Variants in TENM2 observed in about 807,000 individuals in gnomAD.
The protein encoded by TENM2 is teneurin transmembrane protein 2.
In TENM2, 52 loss-of-function variants were observed where a neutral mutation model predicts 245.2. The ratio of observed to expected loss-of-function variants is 0.21; its 90% confidence interval spans 0.17 to 0.27. The LOEUF is 0.27. Ranked by LOEUF, TENM2 falls within the 10% of genes least tolerant of loss-of-function variation. The pLI, the probability that TENM2 is intolerant of heterozygous loss-of-function variation, is 1.00. For missense variants in TENM2, 3,046 were observed against 3,666.8 expected (o/e 0.83, Z 4.37); for synonymous variants, 1,363 against 1,438.9 (o/e 0.95, Z 1.19).
intron 2 of TENM2, among the ~76,000 whole-genome samples, chr5:167,529,219 GAA>G (rs1405370942): frequency 2.0e-5 from 3 of 151,994 alleles, no homozygotes; most frequent in Non-Finnish European, 4.4e-5. Flanking sequence ...TTAAGGTTGA[GAA>G]AAAGCAAATC....
intron 2 of TENM2, among the ~76,000 whole-genome samples, chr5:167,767,327 A>T (rs1468724320): frequency 6.6e-5 from 10 of 152,224 alleles, no homozygotes. Flanking sequence ...ATTCTACTTA[A>T]ATGAGACATC....
chr5:168,181,959 G>A (rs1454882688), intron 13 of TENM2, among the ~76,000 whole-genome samples: 2 of 152,120 alleles, frequency 1.3e-5, no homozygotes, highest in Non-Finnish European at 2.9e-5. Context: ...TTACCGGCGT[G>A]AGCCACCGCA....
the TENM2 span, among the ~76,000 whole-genome samples, chr5:167,147,083 C>G: frequency 2.6e-5 from 4 of 152,074 alleles, no homozygotes; most frequent in Admixed American, 6.5e-5. Flanking sequence ...ACACCTTTTT[C>G]CTAAAGCATG....
At chr5:167,746,535 T>G (rs1454852344) in intron 2 of TENM2, among the ~76,000 whole-genome samples, 2 of 152,158 alleles carry the variant, frequency 1.3e-5, no homozygotes, top group Non-Finnish European at 2.9e-5. Context: ...CATGTCTGAA[T>G]TACGTGGAAC....
intron 2 of TENM2, among the ~76,000 whole-genome samples, chr5:167,494,320 C>A (rs1293663222): frequency 2.6e-5 from 4 of 151,976 alleles, no homozygotes; most frequent in Non-Finnish European, 5.9e-5. Context: ...AAAAAACTTA[C>A]CTAAAGGGTT....
the TENM2 span, among the ~76,000 whole-genome samples, chr5:167,206,366 A>G: frequency 6.6e-6 from 1 of 152,230 alleles, no homozygotes; most frequent in East Asian, 1.9e-4. Flanking sequence ...TCATGAGGGG[A>G]GGAACAGTGA....
intron 2 of TENM2, among the ~76,000 whole-genome samples, chr5:167,523,179 C>T (rs977365141): frequency 6.6e-6 from 1 of 152,134 alleles, no homozygotes; most frequent in African/African-American, 2.4e-5. Flanking sequence ...TATACCTGAT[C>T]AGATCTTTTG....
intron 2 of TENM2, among the ~76,000 whole-genome samples, chr5:167,609,519 C>CAAAAAAAAAAAAAATT (rs1171421408): frequency 7.8e-6 from 1 of 128,952 alleles, no homozygotes; most frequent in African/African-American, 3.1e-5. Flanking sequence ...AAAACAAAAC[C>CAAAAAAAAAAAAAATT]TTACCTAGAA....
At chr5:167,767,106 A>G (rs1763081792) in intron 2 of TENM2, among the ~76,000 whole-genome samples, 2 of 152,240 alleles carry the variant, frequency 1.3e-5, no homozygotes, top group Admixed American at 1.3e-4. Context: ...ACCCATGTTC[A>G]TAGCAGCTTT....
intron 5 of TENM2, among the ~76,000 whole-genome samples, chr5:168,017,386 A>C (rs1391282688): frequency 6.6e-6 from 1 of 152,208 alleles, no homozygotes; most frequent in Non-Finnish European, 1.5e-5. Flanking sequence ...TAATAAGACA[A>C]TGGCTATTAT....
At chr5:167,308,280 GGACAAGTCTCA>G (rs1755800636) in intron 1 of TENM2, among the ~76,000 whole-genome samples, 1 of 151,976 alleles carries the variant, frequency 6.6e-6, no homozygotes, top group Non-Finnish European at 1.5e-5. Flanking sequence ...ATGCAACATG[GGACAAGTCTCA>G]GACAAGTCTC....
intron 10 of TENM2, among the ~76,000 whole-genome samples, chr5:168,121,153 C>T (rs1252000281): frequency 6.6e-6 from 1 of 152,092 alleles, no homozygotes. Flanking sequence ...ATAGAAATTG[C>T]ATTCACAACC....
the TENM2 span, among the ~76,000 whole-genome samples, chr5:167,277,796 G>A: frequency 3.3e-5 from 5 of 151,036 alleles, no homozygotes; most frequent in Non-Finnish European, 1.5e-5. Context: ...TGTTTTTTGT[G>A]GTCATACATA....
chr5:168,211,278 C>T (rs1179091220), intron 19 of TENM2, among the ~76,000 whole-genome samples: 2 of 152,210 alleles, frequency 1.3e-5, no homozygotes, highest in Non-Finnish European at 2.9e-5. Flanking sequence ...CATGTGTCAC[C>T]ATCCTCCCTC....
chr5:168,118,535 C>G, intron 10 of TENM2, 49 bp downstream of exon 12: 1 of 1,429,088 alleles, frequency 7.0e-7, no homozygotes. Context: ...GAGGCGTTTG[C>G]AGGGCCTGAC....
chr5:168,256,396 G>A lies in TENM2; in HGVS notation c.7433-3887G>A, dbSNP rs894424159. Among the ~76,000 whole-genome samples, 57 of 150,122 alleles carry A rather than the reference G, an allele frequency of 3.8e-4. 1 individual carries two copies. The highest frequency in any genetic ancestry group is 2.0e-4 in the East Asian group (1 of 5,126). ...AGGCTTCTCTCTGCTTGATATTAAC[G>A]TACTTTTTAAGGGAATTTCAAACTT... is the stretch of plus-strand genomic sequence containing the variant. On this transcript the variant is annotated intron_variant, in intron 27 of 28. Coordinates refer to ENST00000518659, the Ensembl canonical transcript of TENM2.
In TENM2 at chr5:167,746,710, A is replaced by AGAGAGAGAGAGAGAGCGAGC. The variant is rs761614775; in HGVS notation, c.503-129271_503-129270insAGAGAGAGAGCGAGCGAGAG. Among the ~76,000 whole-genome samples, 323 of 144,936 alleles carry AGAGAGAGAGAGAGAGCGAGC rather than the reference A, an allele frequency of 2.2e-3. 1 individual carries two copies. Among genetic ancestry groups the AGAGAGAGAGAGAGAGCGAGC allele is most frequent in the South Asian group, 0.01 (45 of 4,490 alleles). On this transcript the variant is annotated intron_variant, in intron 2 of 28. Transcript: ENST00000518659. ...GAGAGAGAGAGAGAGAGAGAGAGAG[A>AGAGAGAGAGAGAGAGCGAGC]GAGAGCTGGACTCTACACAATTAGT... is the stretch of plus-strand genomic sequence containing the variant.
At chr5:168,224,160 G>A (rs1279325288) in intron 23 of TENM2, among the ~76,000 whole-genome samples, 1 of 152,176 alleles carries the variant, frequency 6.6e-6, no homozygotes, top group Non-Finnish European at 1.5e-5. Context: ...CTGAGAGGTG[G>A]CTTCTTTAGC....
chr5:167,232,582 A>G, the TENM2 span, among the ~76,000 whole-genome samples: 2 of 152,164 alleles, frequency 1.3e-5, no homozygotes, highest in Admixed American at 6.5e-5. Context: ...CATGTTGTCC[A>G]GGCTTGTCTC....
Sources: gnomAD v4.1 joint callset for allele counts (sites outside exome capture counted in the v4.1 genomes callset) on GRCh38, gnomAD v4.1.1 for gene constraint, MANE v1.5 for transcripts, NCBI Gene and HGNC (gene_info 2026-07-23, HGNC 2026-07-21) for gene names.